Variants in PRKCB observed in about 807,000 individuals in gnomAD.
PRKCB encodes the protein protein kinase C beta, also known as protein kinase C beta type.
In PRKCB, 13 loss-of-function variants were observed where a neutral mutation model predicts 81.5. The ratio of observed to expected loss-of-function variants is 0.16; its 90% CI spans 0.10 to 0.25. The LOEUF (loss-of-function observed/expected upper bound fraction) is 0.25, where lower values mean the gene tolerates loss of function less well. PRKCB is among the 10% of genes least tolerant of loss of function. The probability of loss-of-function intolerance (pLI) is 1.00; values close to 1 mark genes in which losing one functional copy is unlikely to be tolerated. For synonymous variants in PRKCB, 335 were observed against 321.4 expected, an observed-to-expected ratio of 1.04 and a Z score of -0.45; for missense variants, 509 against 875.7, an observed-to-expected ratio of 0.58 and a Z score of 5.29.
At chr16:24,010,642 T>G (rs756311890) in intron 3 of PRKCB, among the ~76,000 whole-genome samples, 1 of 152,186 alleles carries the variant, frequency 6.6e-6, no homozygotes, top group East Asian at 1.9e-4. Context: ...TAGGAGTCAG[T>G]GGCTATAGCG....
intron 2 of PRKCB, among the ~76,000 whole-genome samples, chr16:23,918,460 G>A (rs1963777742): frequency 6.6e-6 from 1 of 151,934 alleles, no homozygotes; most frequent in Non-Finnish European, 1.5e-5. Flanking sequence ...GAATTGGCGT[G>A]ATCTTGGCTC....
intron 3 of PRKCB, among the ~76,000 whole-genome samples, chr16:24,017,982 T>TCCACCTCCTGGGTTCATGCC (rs1170988668): frequency 7.0e-6 from 1 of 142,694 alleles, no homozygotes; most frequent in Non-Finnish European, 1.5e-5. Flanking sequence ...CACTGCAAGC[T>TCCACCTCCTGGGTTCATGCC]CCACCTCCTG....
At chr16:24,054,158 A>G (rs1416649513) in intron 5 of PRKCB, among the ~76,000 whole-genome samples, 3 of 151,792 alleles carry the variant, frequency 2.0e-5, no homozygotes, top group Non-Finnish European at 2.9e-5. Context: ...AAATTTTATA[A>G]TAGAGATGGG....
At chr16:24,179,755 C>T (rs1967590037) in intron 12 of PRKCB, among the ~76,000 whole-genome samples, 1 of 152,212 alleles carries the variant, frequency 6.6e-6, no homozygotes, top group Non-Finnish European at 1.5e-5. Context: ...TTCCTCCAAT[C>T]ACTATCTTAT....
intron 2 of PRKCB, among the ~76,000 whole-genome samples, chr16:23,867,204 C>G (rs984533064): frequency 3.3e-5 from 5 of 152,158 alleles, no homozygotes; most frequent in African/African-American, 1.2e-4. Flanking sequence ...CAGCTCACTG[C>G]AACCTCCGCC....
chr16:24,024,742 A>G (rs1423564175), intron 3 of PRKCB, among the ~76,000 whole-genome samples: 2 of 152,200 alleles, frequency 1.3e-5, no homozygotes, highest in African/African-American at 2.4e-5. Flanking sequence ...TGCCCCAGTC[A>G]GCTGTGTTCA....
intron 8 of PRKCB, among the ~76,000 whole-genome samples, chr16:24,115,402 A>G (rs1966726224): frequency 6.7e-6 from 1 of 150,296 alleles, no homozygotes; most frequent in Admixed American, 6.7e-5. Flanking sequence ...TATCCCAAGG[A>G]TTTTAGCATT....
Position 23,966,577 on chromosome 16 carries a change from C to A in PRKCB, c.206-21931C>A, listed in dbSNP as rs180672073. ...TTATCCCTTCGAATCTAAAATCCCT[C>A]TAGTTTGTTTCAGAGGAGCAAGGAT... On this transcript the variant is annotated intron_variant, in intron 2 of 16. Coordinates refer to ENST00000643927, the MANE Select transcript of PRKCB (RefSeq NM_002738.7). Among the ~76,000 whole-genome samples, 5 of 152,302 alleles carry A rather than the reference C, an allele frequency of 3.3e-5. No homozygotes were observed. The East Asian group carries it at 9.6e-4, about 29-fold the overall frequency.
intron 7 of PRKCB, among the ~76,000 whole-genome samples, chr16:24,109,036 C>T (rs1382734416): frequency 1.4e-5 from 2 of 147,196 alleles, no homozygotes; most frequent in Non-Finnish European, 3.0e-5. Context: ...GGGGGCTGAC[C>T]CCCCCACCTC....
Position 23,836,139 on chromosome 16 carries a change from G to C in PRKCB, c.-37G>C. 1 of 1,371,462 alleles carries C rather than the reference G, an allele frequency of 7.3e-7. No individual in the cohort carries two copies. Among genetic ancestry groups the C allele is most frequent in the Non-Finnish European group, 9.4e-7 (1 of 1,059,452 alleles). The allele number at this position is 1,371,462 out of a possible 1,614,324, so 85.0% of individuals were successfully genotyped here. A position where few individuals can be genotyped will look rare whatever the true frequency, so the allele number is the denominator to read the frequency against. The stretch of plus-strand genomic sequence containing the variant: ...CAGCCCGCGGTCCCGCGGCCCCGGG[G>C]CCGGCACCTCTCGGGCTCCGGCTCC... On this transcript the variant is annotated 5_prime_UTR_variant, in exon 1 of 17. Transcript: ENST00000643927.
At chr16:24,009,537 GCCT>G (rs1965173242) in intron 3 of PRKCB, among the ~76,000 whole-genome samples, 3 of 150,810 alleles carry the variant, frequency 2.0e-5, no homozygotes, top group African/African-American at 7.3e-5. Context: ...TGATTCTGCT[GCCT>G]CAGCCTCCCA....
intron 9 of PRKCB, among the ~76,000 whole-genome samples, chr16:24,137,336 A>T (rs913333000): frequency 6.6e-6 from 1 of 151,332 alleles, no homozygotes; most frequent in Non-Finnish European, 1.5e-5. Flanking sequence ...CTACAAGTGC[A>T]TGCCATCGTG....
intron 2 of PRKCB, among the ~76,000 whole-genome samples, chr16:23,911,149 T>TTTTTG (rs1485917425): frequency 7.4e-6 from 1 of 135,376 alleles, no homozygotes; most frequent in Non-Finnish European, 1.6e-5. Context: ...TTTTTTTTTT[T>TTTTTG]TTTTGAGACA....
chr16:24,122,136 A>T (rs1966805178), intron 8 of PRKCB, among the ~76,000 whole-genome samples: 1 of 152,212 alleles, frequency 6.6e-6, no homozygotes. Context: ...GAGCAATTTT[A>T]TGTAGGGTGT....
chr16:24,186,754 T>G (rs998569324), intron 15 of PRKCB, among the ~76,000 whole-genome samples: 2 of 152,240 alleles, frequency 1.3e-5, no homozygotes, highest in African/African-American at 4.8e-5. Context: ...TGGGCCAGCC[T>G]CTCAGCCTAA....
intron 5 of PRKCB, among the ~76,000 whole-genome samples, chr16:24,089,789 TCA>T (rs1555496093): frequency 1.3e-4 from 19 of 149,876 alleles, no homozygotes; most frequent in Admixed American, 1.1e-3. Context: ...TCTCTCTCTC[TCA>T]CACACACACA....
chr16:23,969,124 C>T (rs1021946929), intron 2 of PRKCB, among the ~76,000 whole-genome samples: 8 of 152,068 alleles, frequency 5.3e-5, no homozygotes, highest in Non-Finnish European at 8.8e-5. Flanking sequence ...GAGCTGAGAT[C>T]GCGCCACTGC....
At chr16:24,169,886 G>C (rs1967414890) in intron 10 of PRKCB, among the ~76,000 whole-genome samples, 1 of 151,940 alleles carries the variant, frequency 6.6e-6, no homozygotes, top group Admixed American at 6.6e-5. Flanking sequence ...AAGCAACTCT[G>C]CTGCACCAGC....
At chr16:24,104,983 G>T (rs1966556044) in intron 7 of PRKCB, among the ~76,000 whole-genome samples, 1 of 152,052 alleles carries the variant, frequency 6.6e-6, no homozygotes, top group African/African-American at 2.4e-5. Context: ...TCCCTAGTAG[G>T]TCCTTTCCCA....
Sources: gnomAD v4.1 joint callset for allele counts (sites outside exome capture counted in the v4.1 genomes callset) on GRCh38, gnomAD v4.1.1 for gene constraint, MANE v1.5 for transcripts, NCBI Gene and HGNC (gene_info 2026-07-23, HGNC 2026-07-21) for gene names.